The following GRPEL1 variants were observed in gnomAD, a reference collection of about 807,000 sequenced individuals.
The protein encoded by GRPEL1 is grpE protein homolog 1, mitochondrial.
A neutral mutation model predicts 22.1 loss-of-function variants in GRPEL1; 13 were observed. That is an observed-to-expected ratio of 0.59 (90% CI 0.38 to 0.94). The LOEUF is 0.94. Ranked by LOEUF, GRPEL1 falls within the 40% of genes least tolerant of loss-of-function variation. GRPEL1 has a pLI of 0.00. For synonymous variants in GRPEL1, 109 were observed against 105.3 expected (o/e 1.03, Z -0.21); for missense variants, 289 against 264.6 (o/e 1.09, Z -0.64).
chr4:7,066,259 C>G (rs578013865), intron 1 of GRPEL1, among the ~76,000 whole-genome samples: 1 of 152,178 alleles, frequency 6.6e-6, no homozygotes, highest in African/African-American at 2.4e-5. Flanking sequence ...TGCAGCACTG[C>G]GAGCGACAAG....
intron 3 of GRPEL1, chr4:7,061,639 A>G (rs1364032598): frequency 6.0e-6 from 1 of 165,950 alleles, no homozygotes; most frequent in East Asian, 1.8e-4. Flanking sequence ...GAGTCCCAAG[A>G]GCCCAGGCAT....
rs929054772 is a variant in GRPEL1, at chr4:7,059,737, A to G, written c.*1125T>C. On this transcript the variant is annotated 3_prime_UTR_variant, in exon 4 of 4. Coordinates refer to ENST00000264954, the MANE Select transcript of GRPEL1 (RefSeq NM_025196.4). ...TTTCTCTTTTTTGTAACAGACGCCA[A>G]TCATTCAGCCTTTTTCTAAGCCCTG... 5.4e-4 allele frequency: 83 copies of G among 152,376 alleles called. No homozygotes were observed. Among genetic ancestry groups the G allele is most frequent in the African/African-American group, 2.0e-3 (83 of 41,596 alleles). The allele number at this position is 152,376 out of a possible 1,614,324, so 9.4% of individuals were successfully genotyped here. A position where few individuals can be genotyped will look rare whatever the true frequency, so the allele number is the denominator to read the frequency against.
chr4:7,062,352 T>G, intron 3 of GRPEL1, 33 bp downstream of exon 3: 4 of 1,172,164 alleles, frequency 3.4e-6, no homozygotes, highest in Non-Finnish European at 5.0e-6. Context: ...TTATCTTCTT[T>G]CCGGAATCAA....
At chr4:7,063,262 A>T (rs192435883) in intron 2 of GRPEL1, among the ~76,000 whole-genome samples, 2 of 151,668 alleles carry the variant, frequency 1.3e-5, no homozygotes, top group East Asian at 3.9e-4. Context: ...GCTAATTTTT[A>T]ATTTTTTTTA....
chr4:7,062,661 G>A (rs913517010), intron 2 of GRPEL1, among the ~76,000 whole-genome samples, 195 bp from the exon 3 acceptor site: 2 of 151,760 alleles, frequency 1.3e-5, no homozygotes, highest in Non-Finnish European at 1.5e-5. Context: ...ACAGGCGCCT[G>A]CCACCACGCC....
Position 7,059,114 on chromosome 4 carries a change from C to T in GRPEL1, c.*1748G>A, listed in dbSNP as rs1418801763. The T allele has an allele frequency of 2.0e-5, 3 of 152,156 alleles. No individual in the cohort carries two copies. Among genetic ancestry groups the T allele is most frequent in the Non-Finnish European group, 4.4e-5 (3 of 68,032 alleles). 9.4% of individuals were successfully genotyped at this position (152,156 alleles called of 1,614,324 possible). A position where few individuals can be genotyped will look rare whatever the true frequency, so the allele number is the denominator to read the frequency against. ...GTTCACAGGAAAAACTGCCTGACAG[C>T]GCATTTCTCAGAACACATCCCTGTG... On this transcript the variant is annotated 3_prime_UTR_variant, in exon 4 of 4. Coordinates refer to ENST00000264954, the MANE Select transcript of GRPEL1 (RefSeq NM_025196.4).
intron 2 of GRPEL1, 38 bp from the exon 3 acceptor site, chr4:7,062,504 A>C (rs769026531): frequency 3.4e-6 from 2 of 594,310 alleles, no homozygotes; most frequent in African/African-American, 2.2e-5. Flanking sequence ...ATATATATAT[A>C]TATATATATA....
At chr4:7,063,892 T>C (rs1183314556) in intron 2 of GRPEL1, among the ~76,000 whole-genome samples, 169 bp downstream of exon 2, 1 of 152,150 alleles carries the variant, frequency 6.6e-6, no homozygotes, top group Non-Finnish European at 1.5e-5. Context: ...AGGATTTGGG[T>C]TTTAGTCTTT....
intron 1 of GRPEL1, among the ~76,000 whole-genome samples, chr4:7,066,394 A>C (rs1043829521): frequency 7.2e-5 from 11 of 152,378 alleles, no homozygotes; most frequent in African/African-American, 2.6e-4. Context: ...ATGTTCTGTT[A>C]AGAAATGCAA....
intron 3 of GRPEL1, chr4:7,061,411 T>A (rs1306328628): frequency 1.1e-5 from 6 of 550,606 alleles, no homozygotes; most frequent in South Asian, 4.9e-5. Flanking sequence ...ATTTACTAAA[T>A]TTAGAATTCA....
intron 1 of GRPEL1, among the ~76,000 whole-genome samples, chr4:7,066,498 G>C (rs562354774): frequency 6.6e-6 from 1 of 152,216 alleles, no homozygotes; most frequent in African/African-American, 2.4e-5. Context: ...GTGGAAAGAA[G>C]TGGAGTGGAA....
At chr4:7,065,812 T>C (rs184684536) in intron 1 of GRPEL1, among the ~76,000 whole-genome samples, 3 of 150,656 alleles carry the variant, frequency 2.0e-5, no homozygotes, top group Admixed American at 1.3e-4. Context: ...AATGATAAAA[T>C]AAAGTCTTAA....
chr4:7,066,158 C>A (rs1211869484), intron 1 of GRPEL1, among the ~76,000 whole-genome samples: 1 of 152,198 alleles, frequency 6.6e-6, no homozygotes, highest in East Asian at 1.9e-4. Flanking sequence ...TGAGAATAAG[C>A]TACATTCAAT....
chr4:7,067,506 A>T (rs1724197787), intron 1 of GRPEL1: 1 of 164,132 alleles, frequency 6.1e-6, no homozygotes, highest in Non-Finnish European at 1.3e-5. Flanking sequence ...GGAAATGAGT[A>T]ACCACAGCTC....
chr4:7,066,824 A>G (rs1724180371), intron 1 of GRPEL1, among the ~76,000 whole-genome samples: 1 of 152,194 alleles, frequency 6.6e-6, no homozygotes, highest in Non-Finnish European at 1.5e-5. Context: ...GAGAGCTATG[A>G]CTACCAGTCA....
chr4:7,067,612 G>A (rs1724201463), intron 1 of GRPEL1: 4 of 340,032 alleles, frequency 1.2e-5, no homozygotes, highest in Middle Eastern at 7.9e-4. Context: ...ACAAGTTGCG[G>A]CTGCCTCTGC....
In GRPEL1 at chr4:7,067,986, A is replaced by C. The variant is rs758397128; in HGVS notation, c.47T>G (p.Leu16Trp). The change falls in exon 1 of 4, where the codon TTG becomes TGG. Residue 16 changes from leucine (L) to tryptophan (W), a missense_variant. Physicochemically the swap from Leu to Trp is moderately conservative, Grantham distance 61 (BLOSUM62 -2). Transcript: ENST00000264954. ...VRLARRSLPALALSLRPSPRL... is the reference protein window; with the variant it reads ...VRLARRSLPAWALSLRPSPRL... ...TGCCCCTTACCTGAGAGACAACGCC[A>C]AAGCAGGAAGACTGCGCCGCGCCAA... The C allele has an allele frequency of 4.3e-5, 70 of 1,613,354 alleles. No homozygotes were observed. Among genetic ancestry groups the C allele is most frequent in the Non-Finnish European group, 5.3e-5 (62 of 1,179,934 alleles).
At chr4:7,062,330 T>C in intron 3 of GRPEL1, 55 bp downstream of exon 3, 1 of 760,726 alleles carries the variant, frequency 1.3e-6, no homozygotes, top group Non-Finnish European at 2.2e-6. Context: ...GGCCTTCCCC[T>C]TCCCCACCCC....
intron 1 of GRPEL1, among the ~76,000 whole-genome samples, chr4:7,065,375 G>A (rs543913075): frequency 1.1e-4 from 16 of 152,180 alleles, no homozygotes; most frequent in African/African-American, 2.9e-4. Context: ...TTAGCCTGGC[G>A]TGGTGGTGCA....
Sources: allele counts gnomAD v4.1 joint callset (sites outside exome capture counted in the v4.1 genomes callset), GRCh38; gene constraint gnomAD v4.1.1; transcripts MANE v1.5; gene names NCBI Gene and HGNC (gene_info 2026-07-23, HGNC 2026-07-21).